TOX2: variants seen among roughly 807,000 people sequenced by gnomAD.
The protein encoded by TOX2 is TOX high mobility group box family member 2.
Under a neutral mutation model 47.4 loss-of-function variants are expected in TOX2, and 15 were observed. The observed-to-expected ratio is 0.32, with a 90% confidence interval of 0.21 to 0.49. The LOEUF (loss-of-function observed/expected upper bound fraction) is 0.49, where lower values mean the gene tolerates loss of function less well. TOX2 is among the 20% of genes least tolerant of loss of function. The probability of loss-of-function intolerance (pLI) is 0.99; values close to 1 mark genes in which losing one functional copy is unlikely to be tolerated. For missense variants in TOX2, 622 were observed against 673.1 expected (o/e 0.92, Z 0.84); for synonymous variants, 290 against 296.6 (o/e 0.98, Z 0.23).
intron 1 of TOX2, among the ~76,000 whole-genome samples, chr20:43,938,143 T>A (rs2145339799): frequency 6.6e-6 from 1 of 152,192 alleles, no homozygotes; most frequent in South Asian, 2.1e-4. Flanking sequence ...TGAAGCAAAC[T>A]CTCCTCTTAC....
chr20:44,039,935 C>T (rs558208991), intron 3 of TOX2, among the ~76,000 whole-genome samples: 3 of 152,278 alleles, frequency 2.0e-5, no homozygotes, highest in Non-Finnish European at 4.4e-5. Flanking sequence ...CTGTAGGGAC[C>T]CCCGAGGTGG....
chr20:43,946,035 G>A (rs376440361), intron 1 of TOX2: 176 of 1,613,740 alleles, frequency 1.1e-4, no homozygotes, highest in Non-Finnish European at 1.5e-4. Context: ...TGTTTCCGCA[G>A]AAGGTAAGCA....
chr20:43,928,997 A>AAAAAAAAAC (rs540054093), intron 1 of TOX2, among the ~76,000 whole-genome samples: 73 of 149,654 alleles, frequency 4.9e-4, no homozygotes, highest in African/African-American at 1.8e-3. Flanking sequence ...AAAAAAAAAA[A>AAAAAAAAAC]AACAACAACA....
At chr20:44,039,127 C>CAGT in intron 3 of TOX2, 1 of 1,260,598 alleles carries the variant, frequency 7.9e-7, no homozygotes, top group Non-Finnish European at 1.0e-6. Context: ...GAGCAGATGC[C>CAGT]GGGAGGCAAC....
intron 4 of TOX2, 124 bp from the exon 5 acceptor site, chr20:44,054,175 C>T (rs992614625): frequency 2.2e-5 from 21 of 974,666 alleles, no homozygotes; most frequent in African/African-American, 8.1e-5. Context: ...CCCTCCATCG[C>T]GCGAGTGGTT....
At chr20:44,039,625 T>A (rs1463158038) in intron 3 of TOX2, among the ~76,000 whole-genome samples, 1 of 151,978 alleles carries the variant, frequency 6.6e-6, no homozygotes, top group Non-Finnish European at 1.5e-5. Flanking sequence ...GCAAGTGAGA[T>A]TGAAAGGAAA....
chr20:44,054,210 AAGTGC>A, intron 4 of TOX2, 84 bp from the exon 5 acceptor site: 1 of 1,358,970 alleles, frequency 7.4e-7, no homozygotes, highest in African/African-American at 1.4e-5. Context: ...AGGGCTGGAG[AAGTGC>A]AGCTCGGCCC....
chr20:43,996,392 G>A (rs1017099577), intron 2 of TOX2, among the ~76,000 whole-genome samples: 2 of 152,180 alleles, frequency 1.3e-5, no homozygotes, highest in African/African-American at 4.8e-5. Context: ...CATTATTAAC[G>A]TGACACTGGA....
At chr20:44,003,843 T>A (rs1361818619) in intron 2 of TOX2, among the ~76,000 whole-genome samples, 1 of 152,014 alleles carries the variant, frequency 6.6e-6, no homozygotes, top group African/African-American at 2.4e-5. Flanking sequence ...GGCCAGGCCA[T>A]ACAAGGACTT....
intron 1 of TOX2, among the ~76,000 whole-genome samples, chr20:43,949,364 C>T (rs776875719): frequency 6.6e-6 from 1 of 152,248 alleles, no homozygotes; most frequent in African/African-American, 2.4e-5. Flanking sequence ...CACCCTTCCT[C>T]CTTAGTCTGT....
At position 44,018,421 on chromosome 20, in the gene TOX2, C is replaced by T. The variant is rs141722678; in HGVS notation, c.411+11629C>T. 5.4e-3 allele frequency among the ~76,000 whole-genome samples: 815 copies of T among 152,298 alleles called. 3 individuals are homozygous for T. The highest frequency in any genetic ancestry group is 0.034 in the Middle Eastern group (10 of 294). On this transcript the variant is annotated intron_variant, in intron 3 of 8. Coordinates refer to ENST00000341197, the MANE Select transcript of TOX2 (RefSeq NM_001098797.2). ...ATTAAGGGAAAATCGCAGCGACATT[C>T]GTCAGCTGCAGCCTCGATATTACTG...
At chr20:43,933,388 T>C (rs116150026) in intron 1 of TOX2, among the ~76,000 whole-genome samples, 4,671 of 152,274 alleles carry the variant, frequency 0.031, 255 homozygotes, top group African/African-American at 0.11. Flanking sequence ...CAGCTGAAAC[T>C]GAAGAGCACC....
chr20:43,966,930 A>C (rs927616153), intron 1 of TOX2, among the ~76,000 whole-genome samples: 1 of 142,160 alleles, frequency 7.0e-6, no homozygotes, highest in African/African-American at 2.7e-5. Context: ...GTGATAGCCA[A>C]GGTGTACGAT....
intron 2 of TOX2, among the ~76,000 whole-genome samples, chr20:43,995,821 G>A (rs1266113998): frequency 6.6e-6 from 1 of 152,190 alleles, no homozygotes; most frequent in Non-Finnish European, 1.5e-5. Flanking sequence ...CTCCATCCAT[G>A]TTCCTACAGA....
intron 1 of TOX2, among the ~76,000 whole-genome samples, chr20:43,961,600 C>T (rs2069758438): frequency 6.6e-6 from 1 of 151,870 alleles, no homozygotes; most frequent in Admixed American, 6.5e-5. Context: ...AAGAGGAGGC[C>T]TCCAGCTGCA....
chr20:43,976,521 G>A (rs1258883288), intron 2 of TOX2, among the ~76,000 whole-genome samples: 1 of 152,192 alleles, frequency 6.6e-6, no homozygotes, highest in Non-Finnish European at 1.5e-5. Flanking sequence ...CTAGATCAAG[G>A]AATGGAGAAA....
chr20:44,053,439 T>TACACACACACACACACAC (rs111951284), intron 4 of TOX2, among the ~76,000 whole-genome samples: 106 of 143,144 alleles, frequency 7.4e-4, no homozygotes, highest in African/African-American at 2.8e-3. Context: ...GGCAGATATA[T>TACACACACACACACACAC]ACACACACAC....
chr20:43,984,142 ACAAT>A (rs1474628404), intron 2 of TOX2, among the ~76,000 whole-genome samples: 3 of 152,240 alleles, frequency 2.0e-5, no homozygotes, highest in Non-Finnish European at 4.4e-5. Flanking sequence ...AAGATTACAA[ACAAT>A]CAAAGAGAAA....
intron 1 of TOX2, 73 bp from the exon 2 acceptor site, chr20:43,973,294 T>A: frequency 6.8e-6 from 10 of 1,478,678 alleles, no homozygotes; most frequent in Non-Finnish European, 8.5e-6. Flanking sequence ...CCTGCCCTCC[T>A]CCGGCTGCTT....
Sources: gnomAD v4.1 joint callset for allele counts (sites outside exome capture counted in the v4.1 genomes callset) on GRCh38, gnomAD v4.1.1 for gene constraint, MANE v1.5 for transcripts, NCBI Gene and HGNC (gene_info 2026-07-23, HGNC 2026-07-21) for gene names.